Variants in HOXC4 observed in about 807,000 individuals in gnomAD.
HOXC4 encodes homeobox C4.
In HOXC4, 15 loss-of-function variants were observed where a neutral mutation model predicts 25.5. The ratio of observed to expected loss-of-function variants is 0.59; its 90% confidence interval spans 0.39 to 0.91. The LOEUF (loss-of-function observed/expected upper bound fraction) is 0.91, where lower values mean the gene tolerates loss of function less well. HOXC4 is among the 40% of genes least tolerant of loss of function. The pLI is 0.00. For synonymous variants in HOXC4, 165 were observed against 148.0 expected (o/e 1.11, Z -0.83); for missense variants, 342 against 352.4 (o/e 0.97, Z 0.24).
chr12:54,043,183 G>A (rs926017668), intron 1 of HOXC4, among the ~76,000 whole-genome samples: 2 of 152,338 alleles, frequency 1.3e-5, no homozygotes, highest in African/African-American at 4.8e-5. Context: ...CCCTGAGCCG[G>A]TCCACTGCTC....
intron 1 of HOXC4, chr12:54,029,968 A>ACT: frequency 6.5e-7 from 1 of 1,540,404 alleles, no homozygotes; most frequent in South Asian, 1.2e-5. Flanking sequence ...AGTGACCAGG[A>ACT]CTGTCCCTGC....
At chr12:54,039,892 A>G (rs953203613) in intron 1 of HOXC4, among the ~76,000 whole-genome samples, 1 of 152,128 alleles carries the variant, frequency 6.6e-6, no homozygotes, top group African/African-American at 2.4e-5. Context: ...CTCTCTGTGT[A>G]GACGGGCATT....
At chr12:54,052,442 A>G (rs1937866978), upstream of HOXC4, among the ~76,000 whole-genome samples, 1 of 152,162 alleles carries the variant, frequency 6.6e-6, no homozygotes, top group Admixed American at 6.5e-5. Flanking sequence ...TTAAACTATA[A>G]TTGTTATCAA....
chr12:54,047,669 G>A (rs1937748402), intron 1 of HOXC4: 1 of 152,532 alleles, frequency 6.6e-6, no homozygotes, highest in South Asian at 2.1e-4. Context: ...GCCGAGGCTG[G>A]CGAGCGGCTT....
chr12:54,030,131 C>G, intron 1 of HOXC4: 2 of 624,424 alleles, frequency 3.2e-6, no homozygotes, highest in South Asian at 4.8e-5. Context: ...GACCCCCTCC[C>G]TCACCGCACA....
chr12:54,030,880 G>A (rs1351047810), intron 1 of HOXC4: 1 of 152,252 alleles, frequency 6.6e-6, no homozygotes, highest in African/African-American at 2.4e-5. Context: ...AGCTGGAGCA[G>A]GCTCCAAGCG....
At chr12:54,050,887 A>G (rs1441918567), upstream of HOXC4, among the ~76,000 whole-genome samples, 1 of 152,204 alleles carries the variant, frequency 6.6e-6, no homozygotes, top group Non-Finnish European at 1.5e-5. Context: ...ATAAATATTA[A>G]TAGTGTGCAC....
At chr12:54,053,783 C>A (rs1329960320), upstream of HOXC4, 3 of 645,112 alleles carry the variant, frequency 4.7e-6, no homozygotes, top group Non-Finnish European at 8.1e-6. Context: ...GTTCCTTATC[C>A]GGGGACTGGG....
intron 1 of HOXC4, among the ~76,000 whole-genome samples, chr12:54,027,968 A>G (rs1940799465): frequency 6.6e-6 from 1 of 152,176 alleles, no homozygotes; most frequent in Non-Finnish European, 1.5e-5. Flanking sequence ...ATGGAGTGTC[A>G]AAACAGGATT....
intron 1 of HOXC4, chr12:54,033,867 C>A: frequency 2.5e-6 from 1 of 407,004 alleles, no homozygotes. Flanking sequence ...GGCTCCAGAG[C>A]GGGGATCCCC....
chr12:54,048,964 A>G (rs1387304740), upstream of HOXC4, among the ~76,000 whole-genome samples: 1 of 152,228 alleles, frequency 6.6e-6, no homozygotes, highest in African/African-American at 2.4e-5. Context: ...TCCACACATC[A>G]GAATTTTCAA....
chr12:54,048,095 T>A (rs537790090), intron 1 of HOXC4, among the ~76,000 whole-genome samples: 1 of 151,958 alleles, frequency 6.6e-6, no homozygotes, highest in South Asian at 2.1e-4. Flanking sequence ...GGAAGGGGTG[T>A]GCGAGGCAGA....
intron 1 of HOXC4, chr12:54,033,152 T>C (rs1382248965): frequency 1.2e-6 from 2 of 1,613,440 alleles, no homozygotes; most frequent in Non-Finnish European, 8.5e-7. Context: ...ATTCATTCTA[T>C]AAGCAGAGCC....
chr12:54,024,386 C>T (rs1485162170), intron 1 of HOXC4, among the ~76,000 whole-genome samples: 1 of 151,896 alleles, frequency 6.6e-6, no homozygotes, highest in East Asian at 1.9e-4. Context: ...AGTTGCAGCG[C>T]GGCAGTCAGG....
At position 54,055,491 on chromosome 12, in the gene HOXC4, G is replaced by A. The variant is rs1296051080; in HGVS notation, c.*286G>A. ...TTTTTTTAAAAGGCCATTTTGGGGG[G>A]TTATTTATTTTTTAAGAAAAAAAGC... On this transcript the variant is annotated 3_prime_UTR_variant, in exon 2 of 2. Transcript: ENST00000430889. 2.6e-5 allele frequency: 4 copies of A among 154,942 alleles called. No homozygotes were observed. Among genetic ancestry groups the A allele is most frequent in the Admixed American group, 1.3e-4 (2 of 15,362 alleles). 9.6% of individuals were successfully genotyped at this position (154,942 alleles called of 1,614,324 possible).
chr12:54,054,507 G>A, intron 1 of HOXC4, 146 bp downstream of exon 1: 1 of 629,334 alleles, frequency 1.6e-6, no homozygotes, highest in Non-Finnish European at 2.8e-6. Flanking sequence ...CAATTGAACT[G>A]GATTTACGAG....
chr12:54,022,602 G>T (rs1419673709), intron 1 of HOXC4: 1 of 152,006 alleles, frequency 6.6e-6, no homozygotes, highest in Non-Finnish European at 1.5e-5. Context: ...GGGAAATGAG[G>T]ATGCTGTTTT....
chr12:54,028,678 C>T (rs1940842077), intron 1 of HOXC4: 1 of 1,614,150 alleles, frequency 6.2e-7, no homozygotes, highest in African/African-American at 1.3e-5. Context: ...CTACTCGACT[C>T]CCTTTTATTC....
chr12:54,033,079 C>T (rs771473883), intron 1 of HOXC4: 90 of 1,525,204 alleles, frequency 5.9e-5, no homozygotes, highest in Non-Finnish European at 7.8e-5. Context: ...ACAAATCACC[C>T]TTAATCAAAA....
Sources: allele counts gnomAD v4.1 joint callset (sites outside exome capture counted in the v4.1 genomes callset), GRCh38; gene constraint gnomAD v4.1.1; transcripts MANE v1.5; gene names NCBI Gene and HGNC (gene_info 2026-07-23, HGNC 2026-07-21).